FAM227B: variants seen among roughly 807,000 people sequenced by gnomAD.
FAM227B encodes the protein protein FAM227B.
In FAM227B, 88 loss-of-function variants were observed where a neutral mutation model predicts 73.8. That is an observed-to-expected ratio of 1.19 (90% confidence interval 1.00 to 1.42). The LOEUF is 1.42. Among genes scored for constraint, FAM227B ranks in the 40% most tolerant of loss-of-function variants. The probability of loss-of-function intolerance (pLI) is 0.00; values close to 1 mark genes in which losing one functional copy is unlikely to be tolerated. For synonymous variants in FAM227B, 210 were observed against 190.5 expected, an observed-to-expected ratio of 1.10 and a Z score of -0.84; for missense variants, 632 against 590.9, an observed-to-expected ratio of 1.07 and a Z score of -0.72.
At chr15:49,514,860 C>G (rs1436843925) in intron 10 of FAM227B, among the ~76,000 whole-genome samples, 1 of 152,068 alleles carries the variant, frequency 6.6e-6, no homozygotes, top group Non-Finnish European at 1.5e-5. Context: ...TTCTTTCATG[C>G]TTTCTTCCAA....
At chr15:49,608,785 A>G (rs770030734) in intron 3 of FAM227B, among the ~76,000 whole-genome samples, 12 of 152,178 alleles carry the variant, frequency 7.9e-5, no homozygotes, top group Middle Eastern at 3.4e-3. Flanking sequence ...AAAAATTAAC[A>G]TTGATGAACT....
At chr15:49,587,343 A>G (rs2076229589) in intron 5 of FAM227B, among the ~76,000 whole-genome samples, 8 of 152,088 alleles carry the variant, frequency 5.3e-5, no homozygotes, top group Admixed American at 5.2e-4. Flanking sequence ...GGTGGATGGC[A>G]GGAGGAGGGA....
chr15:49,550,063 ATCCCCCCACCTCCCTCCTGGACGG>A (rs2072644483), intron 9 of FAM227B, among the ~76,000 whole-genome samples: 1 of 116,786 alleles, frequency 8.6e-6, no homozygotes, highest in Non-Finnish European at 1.7e-5. Context: ...CTGGGGGCTG[ATCCCCCCACCTCCCTCCTGGACGG>A]GGGCGGCTGG....
chr15:49,406,398 G>T (rs2048509385), intron 11 of FAM227B, among the ~76,000 whole-genome samples: 1 of 152,196 alleles, frequency 6.6e-6, no homozygotes, highest in East Asian at 1.9e-4. Context: ...GCTGGTGACT[G>T]CAGGCGGTTG....
At chr15:49,600,350 CTT>C (rs373443382) in intron 3 of FAM227B, among the ~76,000 whole-genome samples, 30 of 127,760 alleles carry the variant, frequency 2.3e-4, no homozygotes, top group Admixed American at 2.9e-4. Flanking sequence ...TTCTTTCTTT[CTT>C]TTTTTTTTTT....
chr15:49,355,659 A>G (rs547674466), intron 13 of FAM227B, among the ~76,000 whole-genome samples: 263 of 152,084 alleles, frequency 1.7e-3, no homozygotes, highest in African/African-American at 6.0e-3. Context: ...AAGTTGGAAA[A>G]CACTCTGCAG....
At chr15:49,330,726 T>C (rs998896407) in intron 15 of FAM227B, 1 of 146,594 alleles carries the variant, frequency 6.8e-6, no homozygotes, top group Non-Finnish European at 1.5e-5. Context: ...TCCCTATCAA[T>C]AGTAGGGAAG....
chr15:49,465,416 G>A (rs774720123), intron 11 of FAM227B, among the ~76,000 whole-genome samples: 2 of 151,842 alleles, frequency 1.3e-5, no homozygotes, highest in African/African-American at 2.4e-5. Flanking sequence ...GATTACAGGC[G>A]TGAGCCACCA....
chr15:49,476,105 G>C (rs1397416990), intron 11 of FAM227B, among the ~76,000 whole-genome samples: 1 of 151,546 alleles, frequency 6.6e-6, no homozygotes, highest in East Asian at 1.9e-4. Flanking sequence ...TTCTACCTAT[G>C]TCAACTCTAT....
At chr15:49,332,113 ACACAC>A (rs2038900540) in intron 14 of FAM227B, among the ~76,000 whole-genome samples, 1 of 149,740 alleles carries the variant, frequency 6.7e-6, no homozygotes, top group African/African-American at 2.5e-5. Context: ...ACACACACAC[ACACAC>A]ATCCACAACA....
chr15:49,581,400 T>G (rs988104661), intron 5 of FAM227B, among the ~76,000 whole-genome samples: 1 of 152,018 alleles, frequency 6.6e-6, no homozygotes, highest in South Asian at 2.1e-4. Context: ...CAATCTTGGC[T>G]CACTGCAACT....
chr15:49,367,686 A>G (rs1342990379), intron 12 of FAM227B, 78 bp from the exon 13 acceptor site: 9 of 1,290,732 alleles, frequency 7.0e-6, no homozygotes, highest in Non-Finnish European at 3.2e-6. Flanking sequence ...ATAACTTCAT[A>G]TTTAGCATAA....
At chr15:49,459,845 G>A (rs1380719248) in intron 11 of FAM227B, among the ~76,000 whole-genome samples, 1 of 152,108 alleles carries the variant, frequency 6.6e-6, no homozygotes, top group Non-Finnish European at 1.5e-5. Flanking sequence ...CCAATACCAT[G>A]TTGGTATCTT....
intron 11 of FAM227B, among the ~76,000 whole-genome samples, chr15:49,479,288 A>G (rs2055663021): frequency 6.6e-6 from 1 of 152,098 alleles, no homozygotes; most frequent in East Asian, 1.9e-4. Flanking sequence ...CCATTATGCT[A>G]TCATGGACAT....
intron 11 of FAM227B, among the ~76,000 whole-genome samples, chr15:49,430,915 G>C (rs570252603): frequency 6.6e-6 from 1 of 151,838 alleles, no homozygotes; most frequent in African/African-American, 2.4e-5. Context: ...TCAGAGAAAA[G>C]ACATAAAGCT....
chr15:49,352,809 C>G (rs2042443282), intron 13 of FAM227B, among the ~76,000 whole-genome samples: 1 of 152,152 alleles, frequency 6.6e-6, no homozygotes, highest in Non-Finnish European at 1.5e-5. Flanking sequence ...AAGCAGTTCC[C>G]TATCTTGCAA....
intron 9 of FAM227B, among the ~76,000 whole-genome samples, chr15:49,548,745 G>A (rs527480571): frequency 6.6e-6 from 1 of 152,184 alleles, no homozygotes; most frequent in African/African-American, 2.4e-5. Flanking sequence ...GTTCAATCTT[G>A]GGAGGTGGTA....
chr15:49,393,795 C>T (rs185125991), intron 11 of FAM227B, among the ~76,000 whole-genome samples: 25 of 152,228 alleles, frequency 1.6e-4, no homozygotes, highest in African/African-American at 5.5e-4. Context: ...CCATCAGAAA[C>T]TTCATTTGCA....
intron 10 of FAM227B, among the ~76,000 whole-genome samples, chr15:49,540,584 GAC>G (rs1183938364): frequency 6.6e-6 from 1 of 152,042 alleles, no homozygotes; most frequent in Non-Finnish European, 1.5e-5. Context: ...TTCTTATAAG[GAC>G]ACCAATCATA....
Sources: gnomAD v4.1 joint callset for allele counts (sites outside exome capture counted in the v4.1 genomes callset) on GRCh38, gnomAD v4.1.1 for gene constraint, MANE v1.5 for transcripts, NCBI Gene and HGNC (gene_info 2026-07-23, HGNC 2026-07-21) for gene names.